Variants in NELL1 observed in about 807,000 individuals in gnomAD.
NELL1 encodes the protein protein kinase C-binding protein NELL1.
NELL1 carries 76 observed loss-of-function variants against 107.4 expected under a neutral mutation model. The ratio of observed to expected loss-of-function variants is 0.71; its 90% CI spans 0.59 to 0.86. The LOEUF is 0.86. NELL1 is among the 40% of genes least tolerant of loss of function. The pLI is 0.00. For synonymous variants in NELL1, 353 were observed against 341.2 expected, an observed-to-expected ratio of 1.03 and a Z score of -0.38; for missense variants, 1,024 against 1,005.5, an observed-to-expected ratio of 1.02 and a Z score of -0.25.
chr11:21,138,599 G>T (rs1341726314), intron 13 of NELL1, among the ~76,000 whole-genome samples: 2 of 152,166 alleles, frequency 1.3e-5, no homozygotes, highest in Non-Finnish European at 2.9e-5. Context: ...AGGCTTCTTG[G>T]GTCATGCTGG....
chr11:21,264,398 A>C (rs1010945153), intron 14 of NELL1, among the ~76,000 whole-genome samples: 2 of 151,864 alleles, frequency 1.3e-5, no homozygotes, highest in Non-Finnish European at 2.9e-5. Context: ...TGCCCAGTGG[A>C]GGCCATGTTG....
chr11:21,545,003 T>A (rs1480445877), intron 16 of NELL1, among the ~76,000 whole-genome samples: 1 of 151,974 alleles, frequency 6.6e-6, no homozygotes, highest in East Asian at 1.9e-4. Flanking sequence ...ATATGTCTAT[T>A]TGTGTATTAC....
At chr11:20,864,094 C>T (rs4534580) in intron 4 of NELL1, among the ~76,000 whole-genome samples, 6,191 of 33,238 alleles carry the variant, frequency 0.19, 387 homozygotes, top group African/African-American at 0.24. Flanking sequence ...AGAGGGAGAC[C>T]GTGGAAAGAG....
At chr11:21,524,544 C>T (rs1855803572) in intron 15 of NELL1, among the ~76,000 whole-genome samples, 1 of 151,842 alleles carries the variant, frequency 6.6e-6, no homozygotes, top group East Asian at 1.9e-4. Context: ...CAATCACTTG[C>T]AGGGCGGGAA....
intron 1 of NELL1, among the ~76,000 whole-genome samples, chr11:20,677,210 A>G (rs1854080123): frequency 6.6e-6 from 1 of 152,152 alleles, no homozygotes; most frequent in South Asian, 2.1e-4. Flanking sequence ...TCCCTCTGCC[A>G]CCCTTCTTCA....
chr11:21,559,069 C>G (rs1770567081), intron 16 of NELL1, among the ~76,000 whole-genome samples: 1 of 151,978 alleles, frequency 6.6e-6, no homozygotes, highest in Non-Finnish European at 1.5e-5. Flanking sequence ...TTGACTAAAG[C>G]TAAAATTGGT....
At chr11:21,474,960 C>T (rs10741880) in intron 15 of NELL1, among the ~76,000 whole-genome samples, 47,772 of 152,008 alleles carry the variant, frequency 0.31, 8,873 homozygotes, top group Middle Eastern at 0.42. Context: ...TAGTTCAATG[C>T]GTATCAGAAC....
intron 12 of NELL1, among the ~76,000 whole-genome samples, chr11:21,002,231 T>C (rs1242197814): frequency 7.9e-6 from 1 of 126,598 alleles, no homozygotes; most frequent in Non-Finnish European, 1.6e-5. Flanking sequence ...AGAATCTACA[T>C]ATCGAAGCCA....
chr11:21,389,900 T>C (rs1038230151), intron 15 of NELL1, among the ~76,000 whole-genome samples: 1 of 151,820 alleles, frequency 6.6e-6, no homozygotes, highest in Non-Finnish European at 1.5e-5. Flanking sequence ...TGGGTGACCA[T>C]ATGTATGTAT....
intron 13 of NELL1, among the ~76,000 whole-genome samples, chr11:21,222,256 T>C (rs1187970184): frequency 6.6e-6 from 1 of 152,296 alleles, no homozygotes; most frequent in East Asian, 1.9e-4. Flanking sequence ...CTTGGCTCAC[T>C]GCAAGCTCTG....
chr11:21,415,268 G>A (rs1290394995), intron 15 of NELL1, among the ~76,000 whole-genome samples: 2 of 152,198 alleles, frequency 1.3e-5, no homozygotes, highest in Non-Finnish European at 2.9e-5. Context: ...GGGTAACTGT[G>A]CCTTTGCTTG....
At chr11:20,922,465 C>G (rs1850400450) in intron 7 of NELL1, among the ~76,000 whole-genome samples, 1 of 151,922 alleles carries the variant, frequency 6.6e-6, no homozygotes, top group Non-Finnish European at 1.5e-5. Context: ...ATGTAACTCA[C>G]TTTTTTGGCA....
intron 12 of NELL1, among the ~76,000 whole-genome samples, chr11:21,091,354 T>C (rs1854515669): frequency 6.6e-6 from 1 of 152,232 alleles, no homozygotes; most frequent in South Asian, 2.1e-4. Context: ...AACTCAGTTA[T>C]GTGAGAACGG....
chr11:21,479,544 G>T (rs1298948479), intron 15 of NELL1, among the ~76,000 whole-genome samples: 4 of 152,084 alleles, frequency 2.6e-5, no homozygotes, highest in Admixed American at 2.0e-4. Flanking sequence ...GGCTGGGAAA[G>T]GTAGTGGGTA....
intron 1 of NELL1, among the ~76,000 whole-genome samples, chr11:20,676,115 C>A (rs1854049379): frequency 6.6e-6 from 1 of 152,052 alleles, no homozygotes. Flanking sequence ...TTTTTCTGTT[C>A]TTAGGACACT....
intron 13 of NELL1, among the ~76,000 whole-genome samples, chr11:21,196,726 A>C (rs888256447): frequency 3.9e-5 from 6 of 152,102 alleles, no homozygotes; most frequent in African/African-American, 1.4e-4. Context: ...CTCCTGCTAG[A>C]ATGTGAGCTG....
intron 14 of NELL1, among the ~76,000 whole-genome samples, chr11:21,362,653 G>A (rs1311847283): frequency 6.7e-6 from 1 of 148,550 alleles, no homozygotes; most frequent in Non-Finnish European, 1.5e-5. Flanking sequence ...GAGAGAATTA[G>A]CTGCGGTAGT....
At chr11:21,288,183 C>T (rs1251321199) in intron 14 of NELL1, among the ~76,000 whole-genome samples, 1 of 151,962 alleles carries the variant, frequency 6.6e-6, no homozygotes, top group Non-Finnish European at 1.5e-5. Context: ...CTCCTAATGG[C>T]TTAGGAGTAG....
chr11:21,193,239 T>C (rs1274866683), intron 13 of NELL1, among the ~76,000 whole-genome samples: 1 of 151,858 alleles, frequency 6.6e-6, no homozygotes, highest in East Asian at 1.9e-4. Flanking sequence ...ATGCGGTTCC[T>C]GTCGAAGAGG....
Sources: gnomAD v4.1 joint callset for allele counts (sites outside exome capture counted in the v4.1 genomes callset) on GRCh38, gnomAD v4.1.1 for gene constraint, MANE v1.5 for transcripts, NCBI Gene and HGNC (gene_info 2026-07-23, HGNC 2026-07-21) for gene names.